The following CACNA2D3 variants were observed in gnomAD, a reference collection of about 807,000 sequenced individuals.
The protein encoded by CACNA2D3 is calcium voltage-gated channel auxiliary subunit alpha2delta 3.
In CACNA2D3, 60 loss-of-function variants were observed where a neutral mutation model predicts 160.6. The ratio of observed to expected loss-of-function variants is 0.37; its 90% CI spans 0.30 to 0.46. CACNA2D3 has a LOEUF of 0.46. Among genes scored for constraint, CACNA2D3 ranks in the 20% least tolerant of loss-of-function variants. The pLI is 1.00. For missense variants in CACNA2D3, 1,205 were observed against 1,365.0 expected (o/e 0.88, Z 1.85); for synonymous variants, 558 against 492.9 (o/e 1.13, Z -1.75).
At chr3:54,972,160 C>A (rs1385613997) in intron 29 of CACNA2D3, among the ~76,000 whole-genome samples, 3 of 152,336 alleles carry the variant, frequency 2.0e-5, no homozygotes, top group African/African-American at 7.2e-5. Flanking sequence ...TCACTGCTAA[C>A]AATGTTCTTT....
chr3:54,666,875 C>T (rs1700076846), intron 11 of CACNA2D3, among the ~76,000 whole-genome samples: 1 of 152,156 alleles, frequency 6.6e-6, no homozygotes. Context: ...CTATCAAATT[C>T]CTCTGTCTGG....
chr3:54,599,712 A>G (rs1851043), intron 9 of CACNA2D3, among the ~76,000 whole-genome samples: 64,503 of 152,114 alleles, frequency 0.42, 14,065 homozygotes, highest in South Asian at 0.56. Flanking sequence ...TCCTGCCCTC[A>G]AACTTTAATT....
chr3:54,830,840 C>A (rs1703860651), intron 14 of CACNA2D3, among the ~76,000 whole-genome samples: 1 of 152,018 alleles, frequency 6.6e-6, no homozygotes, highest in South Asian at 2.1e-4. Flanking sequence ...TCCAGGACCT[C>A]GTGCCTGCAA....
chr3:54,657,017 G>A (rs1699885314), intron 11 of CACNA2D3, among the ~76,000 whole-genome samples: 1 of 151,774 alleles, frequency 6.6e-6, no homozygotes, highest in African/African-American at 2.4e-5. Context: ...GGAGATAGGG[G>A]TGGGGCTGTT....
At chr3:54,468,652 G>A (rs1426315472) in intron 4 of CACNA2D3, among the ~76,000 whole-genome samples, 4 of 152,124 alleles carry the variant, frequency 2.6e-5, no homozygotes, top group Admixed American at 1.3e-4. Context: ...CCACCCCCAC[G>A]GAGTCCAGCA....
At chr3:54,251,731 A>G (rs1702192549) in intron 2 of CACNA2D3, among the ~76,000 whole-genome samples, 2 of 152,204 alleles carry the variant, frequency 1.3e-5, no homozygotes, top group African/African-American at 4.8e-5. Flanking sequence ...TCTCACTTGA[A>G]TCTAAATAAA....
intron 5 of CACNA2D3, among the ~76,000 whole-genome samples, chr3:54,528,770 T>G (rs1055340371): frequency 1.3e-5 from 2 of 152,192 alleles, no homozygotes; most frequent in African/African-American, 2.4e-5. Flanking sequence ...CTTGTGTAAT[T>G]GCCCCTTAAA....
intron 17 of CACNA2D3, among the ~76,000 whole-genome samples, chr3:54,865,969 C>A (rs928910770): frequency 6.6e-6 from 1 of 151,920 alleles, no homozygotes; most frequent in African/African-American, 2.4e-5. Context: ...CCAGACCACA[C>A]AGCATGTAGA....
At chr3:54,159,983 C>T (rs1468339659) in intron 2 of CACNA2D3, among the ~76,000 whole-genome samples, 1 of 152,138 alleles carries the variant, frequency 6.6e-6, no homozygotes, top group Non-Finnish European at 1.5e-5. Context: ...AATTAACTGC[C>T]TGGCAAGCTC....
chr3:54,147,623 T>C lies in CACNA2D3; in HGVS notation c.204+24029T>C, dbSNP rs560866593. Among the ~76,000 whole-genome samples, 2 of 152,382 alleles carry C rather than the reference T, an allele frequency of 1.3e-5. 1 individual carries two copies. The highest frequency in any genetic ancestry group is 3.9e-4 in the East Asian group (2 of 5,194). ...GTTATGTAACCTTTCTGTGCCTCTG[T>C]TTCCTCCCCTGTACAATGGGGATGC... On this transcript the variant is annotated intron_variant, in intron 2 of 37. Transcript: ENST00000474759.
intron 27 of CACNA2D3, among the ~76,000 whole-genome samples, chr3:54,919,337 G>A (rs554069685): frequency 2.6e-5 from 4 of 152,328 alleles, no homozygotes; most frequent in Admixed American, 2.6e-4. Context: ...GCATTGTTGT[G>A]ATGTTATGTG....
At chr3:55,001,623 A>G (rs911632922) in intron 31 of CACNA2D3, among the ~76,000 whole-genome samples, 2 of 152,232 alleles carry the variant, frequency 1.3e-5, no homozygotes, top group Non-Finnish European at 2.9e-5. Flanking sequence ...CAAAGATGGC[A>G]TTTTCACTAT....
chr3:54,586,819 A>T (rs990527589), intron 9 of CACNA2D3, among the ~76,000 whole-genome samples: 1 of 152,184 alleles, frequency 6.6e-6, no homozygotes, highest in Non-Finnish European at 1.5e-5. Flanking sequence ...GTAGAATATA[A>T]TTTTTGATGA....
At chr3:54,813,069 T>G (rs1438359610) in intron 13 of CACNA2D3, among the ~76,000 whole-genome samples, 2 of 152,220 alleles carry the variant, frequency 1.3e-5, no homozygotes, top group Non-Finnish European at 2.9e-5. Flanking sequence ...AAGTGTCACC[T>G]GAAATGTATC....
At chr3:54,943,098 A>T (rs945365314) in intron 27 of CACNA2D3, among the ~76,000 whole-genome samples, 7 of 151,918 alleles carry the variant, frequency 4.6e-5, no homozygotes, top group African/African-American at 1.7e-4. Context: ...GCTGCTAGGG[A>T]GGTTGAGGCA....
intron 3 of CACNA2D3, among the ~76,000 whole-genome samples, chr3:54,362,529 C>T (rs1450842519): frequency 1.3e-5 from 2 of 152,154 alleles, no homozygotes; most frequent in Non-Finnish European, 2.9e-5. Flanking sequence ...GAGTGTGCAG[C>T]ACATATTGAC....
chr3:54,918,889 C>A lies in CACNA2D3; in HGVS notation c.2449+19021C>A, dbSNP rs1450551797. On this transcript the variant is annotated intron_variant, in intron 27 of 37. Coordinates refer to ENST00000474759, the MANE Select transcript of CACNA2D3 (RefSeq NM_018398.3). ...TTCACAGATGATGCCGTCTGTTAGTCCCCCTTTAAAAAACAAAAGCAAAGA... is the reference window on the plus strand; with the variant it reads ...TTCACAGATGATGCCGTCTGTTAGTACCCCTTTAAAAAACAAAAGCAAAGA... 2.0e-6 allele frequency: 3 copies of A among 1,524,116 alleles called. No homozygotes were observed. In the South Asian group the frequency reaches 3.9e-5, roughly 20 times the overall value. 94.4% of individuals were successfully genotyped at this position (1,524,116 alleles called of 1,614,324 possible). A position where few individuals can be genotyped will look rare whatever the true frequency, so the allele number is the denominator to read the frequency against.
chr3:54,988,082 C>T (rs772353269), intron 31 of CACNA2D3, among the ~76,000 whole-genome samples: 4 of 152,232 alleles, frequency 2.6e-5, no homozygotes, highest in Non-Finnish European at 5.9e-5. Context: ...TTCACCTGGC[C>T]GGAAGGGTGG....
intron 3 of CACNA2D3, among the ~76,000 whole-genome samples, chr3:54,372,978 T>G (rs189266481): frequency 7.9e-5 from 12 of 152,350 alleles, no homozygotes; most frequent in African/African-American, 2.9e-4. Context: ...AGGCCCTTGT[T>G]TGACCCAGCC....
Sources: allele counts gnomAD v4.1 joint callset (sites outside exome capture counted in the v4.1 genomes callset), GRCh38; gene constraint gnomAD v4.1.1; transcripts MANE v1.5; gene names NCBI Gene and HGNC (gene_info 2026-07-23, HGNC 2026-07-21).